Variants in SEMA3A observed in about 807,000 individuals in gnomAD.
SEMA3A encodes the protein semaphorin-3A.
Under a neutral mutation model 97.9 loss-of-function variants are expected in SEMA3A, and 29 were observed. The ratio of observed to expected loss-of-function variants is 0.30; its 90% CI spans 0.22 to 0.40. SEMA3A has a LOEUF of 0.40. SEMA3A is among the 10% of genes least tolerant of loss of function. SEMA3A has a pLI of 1.00. For missense variants in SEMA3A, 763 were observed against 951.3 expected (o/e 0.80, Z 2.60); for synonymous variants, 321 against 323.7 (o/e 0.99, Z 0.09).
intron 3 of SEMA3A, among the ~76,000 whole-genome samples, chr7:84,278,251 C>T (rs937756100): frequency 5.3e-5 from 8 of 152,090 alleles, no homozygotes; most frequent in African/African-American, 1.9e-4. Context: ...CAATAAGTTT[C>T]TCATTTCTGT....
chr7:84,100,447 T>G (rs1794926357), intron 4 of SEMA3A, among the ~76,000 whole-genome samples: 2 of 152,146 alleles, frequency 1.3e-5, no homozygotes, highest in Non-Finnish European at 2.9e-5. Flanking sequence ...ACTTTTCTCA[T>G]TAGTAAAATG....
intron 2 of SEMA3A, among the ~76,000 whole-genome samples, chr7:84,345,737 G>T (rs1020042026): frequency 2.0e-5 from 3 of 152,084 alleles, no homozygotes; most frequent in Non-Finnish European, 4.4e-5. Context: ...TACTTCTCTT[G>T]TTATTTGTAC....
At chr7:84,056,738 G>A (rs952259434) in intron 5 of SEMA3A, among the ~76,000 whole-genome samples, 8 of 151,822 alleles carry the variant, frequency 5.3e-5, no homozygotes, top group Admixed American at 1.3e-4. Context: ...TTTTGGCTTC[G>A]TTACTTATGT....
intron 3 of SEMA3A, among the ~76,000 whole-genome samples, chr7:84,123,243 A>G (rs976391063): frequency 6.6e-6 from 1 of 152,170 alleles, no homozygotes; most frequent in Admixed American, 6.6e-5. Context: ...TAACCAACTG[A>G]ATTTTAAGCA....
At chr7:84,128,041 C>T (rs190013786) in intron 3 of SEMA3A, among the ~76,000 whole-genome samples, 238 of 152,146 alleles carry the variant, frequency 1.6e-3, no homozygotes, top group African/African-American at 5.5e-3. Context: ...TTTTCATGGT[C>T]TGTGCAAATA....
chr7:84,254,044 CAG>C (rs1289020671), intron 3 of SEMA3A, among the ~76,000 whole-genome samples: 1 of 152,112 alleles, frequency 6.6e-6, no homozygotes, highest in Non-Finnish European at 1.5e-5. Flanking sequence ...ATTGAGAAAA[CAG>C]AGAGATCAAG....
chr7:84,035,505 T>A (rs1791909267), intron 6 of SEMA3A, among the ~76,000 whole-genome samples: 1 of 152,108 alleles, frequency 6.6e-6, no homozygotes, highest in Non-Finnish European at 1.5e-5. Flanking sequence ...ATGTATTTTT[T>A]AAGTTCTTAT....
At chr7:84,390,037 T>C (rs1803500005) in intron 1 of SEMA3A, among the ~76,000 whole-genome samples, 1 of 152,136 alleles carries the variant, frequency 6.6e-6, no homozygotes, top group Non-Finnish European at 1.5e-5. Flanking sequence ...CTTTTGACAG[T>C]CTTGTTTCCA....
intron 1 of SEMA3A, among the ~76,000 whole-genome samples, chr7:84,432,454 G>T (rs1805005565): frequency 6.6e-6 from 1 of 152,024 alleles, no homozygotes; most frequent in Admixed American, 6.6e-5. Context: ...TATATTCCAA[G>T]ATGCTGAGGT....
intron 1 of SEMA3A, among the ~76,000 whole-genome samples, chr7:84,465,857 TC>T (rs1805980417): frequency 6.6e-6 from 1 of 152,122 alleles, no homozygotes; most frequent in Admixed American, 6.5e-5. Context: ...CTGAAGAACT[TC>T]TTGCCTCTAA....
intron 1 of SEMA3A, among the ~76,000 whole-genome samples, chr7:84,436,514 T>C (rs1241997687): frequency 2.6e-5 from 4 of 152,158 alleles, no homozygotes; most frequent in South Asian, 2.1e-4. Flanking sequence ...TAATGCAATA[T>C]GCATAACATT....
At chr7:84,114,238 C>A (rs2115956046) in intron 3 of SEMA3A, among the ~76,000 whole-genome samples, 1 of 152,278 alleles carries the variant, frequency 6.6e-6, no homozygotes, top group Admixed American at 6.5e-5. Flanking sequence ...CCAATTACCT[C>A]CTTGCATGTT....
intron 1 of SEMA3A, among the ~76,000 whole-genome samples, chr7:84,145,557 T>C (rs1416786558): frequency 6.6e-6 from 1 of 152,198 alleles, no homozygotes; most frequent in African/African-American, 2.4e-5. Context: ...CTATTAAAAT[T>C]ATACCATTTA....
At chr7:84,428,326 C>T (rs75455761) in intron 1 of SEMA3A, among the ~76,000 whole-genome samples, 6,947 of 151,874 alleles carry the variant, frequency 0.046, 372 homozygotes, top group East Asian at 0.19. Flanking sequence ...AAAAGTATGA[C>T]GTAAATATAA....
At chr7:84,308,741 C>T (rs536199393) in intron 2 of SEMA3A, among the ~76,000 whole-genome samples, 9 of 151,918 alleles carry the variant, frequency 5.9e-5, no homozygotes, top group South Asian at 4.2e-4. Flanking sequence ...GATCAGGAAG[C>T]GGCACTGAGG....
intron 3 of SEMA3A, among the ~76,000 whole-genome samples, chr7:84,285,970 C>CAAAAAAA (rs564063430): frequency 1.4e-5 from 1 of 70,152 alleles, no homozygotes; most frequent in Non-Finnish European, 3.3e-5. Flanking sequence ...GACCCCATCT[C>CAAAAAAA]AAAAAAAAAA....
At chr7:84,302,984 T>C (rs1801058481) in intron 3 of SEMA3A, among the ~76,000 whole-genome samples, 1 of 152,158 alleles carries the variant, frequency 6.6e-6, no homozygotes, top group Non-Finnish European at 1.5e-5. Context: ...AAGAACAGTT[T>C]GAGGAAAGAA....
chr7:84,281,969 T>C (rs59823464), intron 3 of SEMA3A, among the ~76,000 whole-genome samples: 1 of 152,126 alleles, frequency 6.6e-6, no homozygotes, highest in Non-Finnish European at 1.5e-5. Context: ...AACACAGAAA[T>C]TGCCATTTAT....
At chr7:84,137,905 G>A (rs548883315) in intron 1 of SEMA3A, among the ~76,000 whole-genome samples, 2 of 152,180 alleles carry the variant, frequency 1.3e-5, no homozygotes, top group African/African-American at 4.8e-5. Flanking sequence ...TTATAAGTAA[G>A]AACACAAGCC....
Sources: allele counts gnomAD v4.1 joint callset (sites outside exome capture counted in the v4.1 genomes callset), GRCh38; gene constraint gnomAD v4.1.1; transcripts MANE v1.5; gene names NCBI Gene and HGNC (gene_info 2026-07-23, HGNC 2026-07-21).